Variants in EPHA5 observed in about 807,000 individuals in gnomAD.
EPHA5 encodes the protein ephrin type-A receptor 5.
In EPHA5, 60 loss-of-function variants were observed where a neutral mutation model predicts 105.0. The observed-to-expected ratio is 0.57, with a 90% CI of 0.46 to 0.71. The LOEUF (loss-of-function observed/expected upper bound fraction) is 0.71, where lower values mean the gene tolerates loss of function less well. Ranked by LOEUF, EPHA5 falls within the 30% of genes least tolerant of loss-of-function variation. The probability of loss-of-function intolerance (pLI) is 0.00; values close to 1 mark genes in which losing one functional copy is unlikely to be tolerated. For synonymous variants in EPHA5, 513 were observed against 449.1 expected (o/e 1.14, Z -1.80); for missense variants, 1,218 against 1,274.7 (o/e 0.96, Z 0.68).
chr4:65,611,084 CA>C (rs923611856), intron 2 of EPHA5, among the ~76,000 whole-genome samples: 1 of 152,042 alleles, frequency 6.6e-6, no homozygotes, highest in African/African-American at 2.4e-5. Context: ...AGATGGAGTA[CA>C]AATTTACCAT....
At chr4:65,583,335 T>C (rs1741824111) in intron 3 of EPHA5, among the ~76,000 whole-genome samples, 1 of 151,726 alleles carries the variant, frequency 6.6e-6, no homozygotes, top group Non-Finnish European at 1.5e-5. Context: ...AAAACTAAAA[T>C]AAGCAATAAC....
intron 8 of EPHA5, among the ~76,000 whole-genome samples, chr4:65,370,507 G>A (rs753515226): frequency 2.0e-5 from 3 of 151,942 alleles, no homozygotes; most frequent in Non-Finnish European, 4.4e-5. Flanking sequence ...CACAATTTAC[G>A]TTAGAAAACA....
At chr4:65,481,524 A>G (rs182393466) in intron 5 of EPHA5, among the ~76,000 whole-genome samples, 398 of 152,332 alleles carry the variant, frequency 2.6e-3, no homozygotes, top group African/African-American at 9.2e-3. Flanking sequence ...CATTTCTTCA[A>G]TATCAAGTCC....
chr4:65,468,353 T>C (rs1369201091), intron 5 of EPHA5, among the ~76,000 whole-genome samples: 2 of 151,194 alleles, frequency 1.3e-5, no homozygotes, highest in Non-Finnish European at 2.9e-5. Flanking sequence ...AATATATATT[T>C]TTTCAAAGTG....
intron 2 of EPHA5, among the ~76,000 whole-genome samples, chr4:65,603,315 A>T (rs1182551202): frequency 8.0e-6 from 1 of 124,430 alleles, no homozygotes; most frequent in African/African-American, 3.1e-5. Context: ...AGAAGTAATT[A>T]TAATTTAAGG....
At chr4:65,425,555 T>C (rs1042442309) in intron 5 of EPHA5, among the ~76,000 whole-genome samples, 7 of 152,076 alleles carry the variant, frequency 4.6e-5, no homozygotes, top group Admixed American at 1.3e-4. Flanking sequence ...TCAGTAAAAT[T>C]CAGGAAGTAA....
At chr4:65,337,481 C>G (rs1200930230) in intron 14 of EPHA5, among the ~76,000 whole-genome samples, 1 of 151,996 alleles carries the variant, frequency 6.6e-6, no homozygotes, top group Non-Finnish European at 1.5e-5. Context: ...AGAAAGCATT[C>G]TCCTTATGAT....
At chr4:65,427,444 G>A (rs998844503) in intron 5 of EPHA5, among the ~76,000 whole-genome samples, 1 of 152,092 alleles carries the variant, frequency 6.6e-6, no homozygotes, top group Non-Finnish European at 1.5e-5. Flanking sequence ...GCCACCCAAA[G>A]TGCTGGGATT....
chr4:65,446,002 T>C (rs1726484442), intron 5 of EPHA5, among the ~76,000 whole-genome samples: 1 of 152,170 alleles, frequency 6.6e-6, no homozygotes, highest in South Asian at 2.1e-4. Flanking sequence ...TGAAATAACA[T>C]CCTAACTGGT....
At chr4:65,457,789 T>TC (rs1243608455) in intron 5 of EPHA5, among the ~76,000 whole-genome samples, 1 of 152,092 alleles carries the variant, frequency 6.6e-6, no homozygotes, top group Admixed American at 6.5e-5. Context: ...TTCTGTTATA[T>TC]CAGGTGGCTG....
rs185049529 is a variant in EPHA5, at chr4:65,458,835, A to T, written c.1402+31542T>A. ...CAATAATTTAGTGAACCGTTCATTT[A>T]CAAGATTTATTTATGCTCCATTTGG... is the stretch of plus-strand genomic sequence containing the variant. On this transcript the variant is annotated intron_variant, in intron 5 of 16. Transcript: ENST00000613740. Among the ~76,000 whole-genome samples, 7 of 152,240 alleles carry T rather than the reference A, an allele frequency of 4.6e-5. No homozygotes were observed. In the East Asian group the frequency reaches 1.3e-3, roughly 29 times the overall value.
In EPHA5 at chr4:65,601,670, C is replaced by A. The variant is rs1743736713; in HGVS notation, c.881G>T (p.Gly294Val). 6.2e-7 allele frequency: 1 copy of A among 1,614,040 alleles called. No homozygotes were observed. The highest frequency in any genetic ancestry group is 8.5e-7 in the Non-Finnish European group (1 of 1,179,932). Residue 294 changes from glycine to valine, a missense_variant, in exon 3 of 17, where the codon GGA (glycine) becomes GTA (valine). By Grantham distance (109) the Gly-to-Val change is moderately radical (BLOSUM62 -3). Coordinates refer to ENST00000613740, the MANE Select transcript of EPHA5 (RefSeq NM_001281766.3). ...ACAGGTGCCATTTTTCTCTTCATAT[C>A]CTGCCTTGCACATGCATTTCCCGAT... ...VPIGKCMCKAGYEEKNGTCQV... is the reference protein window; with the variant it reads ...VPIGKCMCKAVYEEKNGTCQV...
intron 3 of EPHA5, among the ~76,000 whole-genome samples, chr4:65,550,156 T>C (rs980057369): frequency 2.0e-5 from 3 of 151,848 alleles, no homozygotes; most frequent in Admixed American, 1.3e-4. Flanking sequence ...TAATCAAATT[T>C]TTTTCTTTAC....
intron 3 of EPHA5, among the ~76,000 whole-genome samples, chr4:65,558,194 AG>A (rs1369125932): frequency 6.6e-6 from 1 of 152,084 alleles, no homozygotes; most frequent in African/African-American, 2.4e-5. Flanking sequence ...CTTAATCTGT[AG>A]TACTCAGAAA....
chr4:65,656,008 A>G (rs1749021077), intron 1 of EPHA5, among the ~76,000 whole-genome samples: 1 of 151,990 alleles, frequency 6.6e-6, no homozygotes, highest in Admixed American at 6.6e-5. Flanking sequence ...TCTCAGAAGT[A>G]CAAGCATATG....
intron 2 of EPHA5, among the ~76,000 whole-genome samples, chr4:65,628,290 C>T (rs974249653): frequency 2.0e-5 from 3 of 151,850 alleles, no homozygotes; most frequent in African/African-American, 4.8e-5. Context: ...TATCCTCATC[C>T]CCATTTCTTC....
chr4:65,398,817 G>A (rs1721515271), intron 8 of EPHA5, among the ~76,000 whole-genome samples: 1 of 152,100 alleles, frequency 6.6e-6, no homozygotes, highest in Admixed American at 6.6e-5. Context: ...TCACTGGGAT[G>A]ATCTACCTGC....
In EPHA5 at chr4:65,601,654, A is replaced by G. The variant is rs573262067; in HGVS notation, c.897T>C (p.Asn299=). ...CMCKAGYEEK[N]GTCQVCRPGF... ...GCAAACTCTTACCTTGACAGGTGCC[A>G]TTTTTCTCTTCATATCCTGCCTTGC... The change falls in exon 3 of 17, where the codon AAT becomes AAC. Residue 299 remains asparagine, a synonymous_variant. Transcript: ENST00000613740. 31 of 1,612,920 alleles carry G rather than the reference A, an allele frequency of 1.9e-5. No homozygotes were observed. The highest frequency in any genetic ancestry group is 2.4e-5 in the Non-Finnish European group (28 of 1,179,022).
chr4:65,626,547 A>C (rs542017560), intron 2 of EPHA5, among the ~76,000 whole-genome samples: 24 of 152,340 alleles, frequency 1.6e-4, no homozygotes, highest in African/African-American at 5.8e-4. Context: ...AACTTGGATA[A>C]ATATTTTTTG....
Sources: gnomAD v4.1 joint callset for allele counts (sites outside exome capture counted in the v4.1 genomes callset) on GRCh38, gnomAD v4.1.1 for gene constraint, MANE v1.5 for transcripts, NCBI Gene and HGNC (gene_info 2026-07-23, HGNC 2026-07-21) for gene names.